The following CADM2 variants were observed in gnomAD, a reference collection of about 807,000 sequenced individuals.
CADM2 encodes immunoglobulin superfamily member 4D.
A neutral mutation model predicts 49.8 loss-of-function variants in CADM2; 12 were observed. That is an observed-to-expected ratio of 0.24 (90% CI 0.15 to 0.39). The LOEUF (loss-of-function observed/expected upper bound fraction) is 0.39. Ranked by LOEUF, CADM2 falls within the 10% of genes least tolerant of loss-of-function variation. The pLI, the probability that CADM2 is intolerant of heterozygous loss-of-function variation, is 1.00. For missense variants in CADM2, 378 were observed against 492.3 expected, an observed-to-expected ratio of 0.77 and a Z score of 2.20; for synonymous variants, 214 against 175.4, an observed-to-expected ratio of 1.22 and a Z score of -1.74.
At chr3:85,226,071 G>T (rs577432270) in intron 1 of CADM2, among the ~76,000 whole-genome samples, 11 of 151,632 alleles carry the variant, frequency 7.3e-5, no homozygotes, top group Non-Finnish European at 1.5e-4. Context: ...TGTTGTTGTT[G>T]TTGTTTTTGT....
intron 1 of CADM2, among the ~76,000 whole-genome samples, chr3:85,709,512 T>C (rs1414798938): frequency 6.6e-6 from 1 of 152,168 alleles, no homozygotes; most frequent in Non-Finnish European, 1.5e-5. Context: ...GTGCTGAACC[T>C]ACACTAACAA....
intron 1 of CADM2, among the ~76,000 whole-genome samples, chr3:85,087,429 A>G (rs934243645): frequency 6.6e-6 from 1 of 152,180 alleles, no homozygotes; most frequent in African/African-American, 2.4e-5. Context: ...TTCCTCTTCA[A>G]ATTAAAAATG....
intron 1 of CADM2, among the ~76,000 whole-genome samples, chr3:85,160,171 A>G (rs368214697): frequency 5.6e-4 from 85 of 152,292 alleles, no homozygotes; most frequent in African/African-American, 2.0e-3. Context: ...ATGCCTTTCT[A>G]AATGAGGGTT....
intron 1 of CADM2, among the ~76,000 whole-genome samples, chr3:85,226,909 T>C (rs1198858132): frequency 1.3e-5 from 2 of 152,192 alleles, no homozygotes; most frequent in Non-Finnish European, 2.9e-5. Flanking sequence ...AGGAGCAGGT[T>C]GTTCAGTTTC....
At chr3:85,603,750 A>G (rs186302509) in intron 1 of CADM2, among the ~76,000 whole-genome samples, 9 of 152,036 alleles carry the variant, frequency 5.9e-5, no homozygotes, top group Non-Finnish European at 1.0e-4. Flanking sequence ...ATATAATTTA[A>G]AAGTTCTCTG....
chr3:85,743,378 A>G (rs960509790), intron 2 of CADM2, among the ~76,000 whole-genome samples: 5 of 152,212 alleles, frequency 3.3e-5, no homozygotes, highest in Admixed American at 3.3e-4. Context: ...GGCAACAGAA[A>G]AACATAAGGC....
intron 1 of CADM2, among the ~76,000 whole-genome samples, chr3:85,447,869 T>C (rs1254535305): frequency 2.6e-5 from 4 of 152,206 alleles, no homozygotes; most frequent in African/African-American, 9.6e-5. Flanking sequence ...TGTTAGCCAA[T>C]GTTTTTGACA....
chr3:85,094,748 A>G (rs2037730405), intron 1 of CADM2, among the ~76,000 whole-genome samples: 2 of 152,316 alleles, frequency 1.3e-5, no homozygotes, highest in Non-Finnish European at 2.9e-5. Flanking sequence ...CCAAGTGCAT[A>G]CTTTTGCTCA....
chr3:85,261,890 T>A (rs899222900), intron 1 of CADM2, among the ~76,000 whole-genome samples: 1 of 152,118 alleles, frequency 6.6e-6, no homozygotes, highest in Non-Finnish European at 1.5e-5. Context: ...TATTTCCACG[T>A]TCTTATTCCT....
chr3:84,962,945 C>A (rs1427277497), intron 1 of CADM2, among the ~76,000 whole-genome samples: 1 of 151,968 alleles, frequency 6.6e-6, no homozygotes, highest in Non-Finnish European at 1.5e-5. Context: ...GAGTGATAAG[C>A]CAGTGGTGAG....
chr3:85,130,083 A>G (rs1330655256), intron 1 of CADM2, among the ~76,000 whole-genome samples: 3 of 152,104 alleles, frequency 2.0e-5, no homozygotes, highest in Admixed American at 6.5e-5. Flanking sequence ...AATTTAATTC[A>G]CCCGTTTTCA....
At chr3:86,039,654 G>T (rs556782205) in intron 8 of CADM2, among the ~76,000 whole-genome samples, 103 of 152,242 alleles carry the variant, frequency 6.8e-4, no homozygotes, top group Non-Finnish European at 1.1e-3. Context: ...TCCACCTCTG[G>T]GGGGAGGGCA....
At chr3:85,159,260 A>G (rs555977537) in intron 1 of CADM2, among the ~76,000 whole-genome samples, 5 of 152,196 alleles carry the variant, frequency 3.3e-5, no homozygotes, top group African/African-American at 1.2e-4. Flanking sequence ...ATACTAATAC[A>G]TCAAAACCAC....
At chr3:85,918,986 A>G (rs1159203726) in intron 6 of CADM2, among the ~76,000 whole-genome samples, 1 of 152,088 alleles carries the variant, frequency 6.6e-6, no homozygotes, top group African/African-American at 2.4e-5. Flanking sequence ...TTCTGTATGT[A>G]TCATTGACAA....
At chr3:85,744,783 G>T (rs1698324205) in intron 2 of CADM2, among the ~76,000 whole-genome samples, 1 of 152,094 alleles carries the variant, frequency 6.6e-6, no homozygotes, top group Non-Finnish European at 1.5e-5. Flanking sequence ...GAGGAGAGAA[G>T]AGTGGATGAA....
At chr3:85,578,231 A>T (rs1453261066) in intron 1 of CADM2, among the ~76,000 whole-genome samples, 1 of 152,234 alleles carries the variant, frequency 6.6e-6, no homozygotes, top group South Asian at 2.1e-4. Context: ...CTGCATTGTC[A>T]GATGCACTAA....
At chr3:85,584,513 G>C (rs980771959) in intron 1 of CADM2, among the ~76,000 whole-genome samples, 11 of 152,048 alleles carry the variant, frequency 7.2e-5, no homozygotes, top group Admixed American at 7.2e-4. Flanking sequence ...GCCGTCAAAA[G>C]GGGATAATTA....
intron 1 of CADM2, among the ~76,000 whole-genome samples, chr3:85,081,476 T>A (rs2037163558): frequency 1.3e-5 from 2 of 152,194 alleles, no homozygotes; most frequent in East Asian, 3.9e-4. Flanking sequence ...AGTATAAGAT[T>A]CATAAACTTT....
chr3:85,421,066 A>C (rs796533788), intron 1 of CADM2, among the ~76,000 whole-genome samples: 33 of 152,286 alleles, frequency 2.2e-4, no homozygotes, highest in African/African-American at 7.9e-4. Flanking sequence ...TTTTAAACTT[A>C]GTGATTAAAG....
Sources: gnomAD v4.1 joint callset for allele counts (sites outside exome capture counted in the v4.1 genomes callset) on GRCh38, gnomAD v4.1.1 for gene constraint, MANE v1.5 for transcripts, NCBI Gene and HGNC (gene_info 2026-07-23, HGNC 2026-07-21) for gene names.